The following MGST1 variants were observed in gnomAD, a reference collection of about 807,000 sequenced individuals.
MGST1 encodes the protein glutathione S-transferase 12.
MGST1 carries 5 observed loss-of-function variants against 8.9 expected under a neutral mutation model. The ratio of observed to expected loss-of-function variants is 0.56; its 90% CI spans 0.29 to 1.19. The LOEUF (loss-of-function observed/expected upper bound fraction) is 1.19, where lower values mean the gene tolerates loss of function less well. Ranked by LOEUF, MGST1 falls within the 50% of genes most tolerant of loss-of-function variation. The pLI is 0.08. For synonymous variants in MGST1, 54 were observed against 67.8 expected (o/e 0.80, Z 1.00); for missense variants, 182 against 187.4 (o/e 0.97, Z 0.17).
intron 4 of MGST1, chr12:16,549,872 A>T (rs1269700819): frequency 1.3e-5 from 2 of 152,068 alleles, no homozygotes; most frequent in African/African-American, 4.8e-5. Flanking sequence ...GTATGCTATC[A>T]CGTAAGGTAG....
At chr12:16,441,131 CTT>C (rs1007934981), downstream of MGST1, among the ~76,000 whole-genome samples, 1 of 151,770 alleles carries the variant, frequency 6.6e-6, no homozygotes, top group African/African-American at 2.4e-5. Flanking sequence ...ACACATACAT[CTT>C]TTCTCAGGTA....
intron 2 of MGST1, among the ~76,000 whole-genome samples, chr12:16,357,354 G>A (rs9332915): frequency 0.02 from 3,096 of 152,068 alleles, 109 homozygotes; most frequent in African/African-American, 0.071. Context: ...CAACCTCTCG[G>A]GCTCAGGTGA....
At chr12:16,365,384 T>G (rs1940167025), downstream of MGST1, among the ~76,000 whole-genome samples, 1 of 152,230 alleles carries the variant, frequency 6.6e-6, no homozygotes, top group East Asian at 1.9e-4. Context: ...TTTTCATATC[T>G]TTTGATGCAT....
In MGST1 at chr12:16,579,531, G is replaced by A. The variant is rs576632444; in HGVS notation, n.483-9997G>A. ...ATAGTTCCCTTGCTTCTTATTTGTC[G>A]GCATTATGGCCTAATAATTTGAAAA... On this transcript the variant is annotated intron_variant and non_coding_transcript_variant, in intron 4 of 4. Transcript: ENST00000538857. 6.2e-4 allele frequency among the ~76,000 whole-genome samples: 95 copies of A among 152,142 alleles called. 1 individual carries two copies. Among genetic ancestry groups the A allele is most frequent in the African/African-American group, 2.0e-3 (81 of 41,516 alleles).
intron 4 of MGST1, among the ~76,000 whole-genome samples, chr12:16,583,268 A>C (rs1443839851): frequency 6.6e-6 from 1 of 152,136 alleles, no homozygotes; most frequent in African/African-American, 2.4e-5. Context: ...AAGGAGTGCA[A>C]AGGAGGTTGA....
At chr12:16,476,029 T>C (rs1267463758) in intron 4 of MGST1, among the ~76,000 whole-genome samples, 5 of 152,122 alleles carry the variant, frequency 3.3e-5, no homozygotes, top group Non-Finnish European at 5.9e-5. Flanking sequence ...TCCATTTTCC[T>C]ACCTACCACC....
chr12:16,440,492 A>G (rs1353443395), downstream of MGST1, among the ~76,000 whole-genome samples: 1 of 151,794 alleles, frequency 6.6e-6, no homozygotes, highest in Non-Finnish European at 1.5e-5. Flanking sequence ...GGACTCTATA[A>G]ATGGAGTCAG....
chr12:16,481,785 T>C (rs1591741507), intron 4 of MGST1, among the ~76,000 whole-genome samples: 1 of 151,928 alleles, frequency 6.6e-6, no homozygotes, highest in East Asian at 1.9e-4. Context: ...AATTTGATCA[T>C]AGTTTCAGAT....
rs201441285 is a variant in MGST1, at chr12:16,473,786, C to T, written n.482+90182C>T. On this transcript the variant is annotated intron_variant and non_coding_transcript_variant, in intron 4 of 4. Coordinates refer to the MGST1 transcript ENST00000538857. ...ATCCCAGCTACTTGGGAGGCTGAGG[C>T]GGGAGGATGACTTGGGCCTGGGAGG... is the stretch of plus-strand genomic sequence containing the variant. Among the ~76,000 whole-genome samples, 31 of 152,132 alleles carry T rather than the reference C, an allele frequency of 2.0e-4. No individual in the cohort carries two copies. In the East Asian group the frequency reaches 3.7e-3, roughly 18 times the overall value.
chr12:16,542,769 G>A (rs1048625562), intron 4 of MGST1, among the ~76,000 whole-genome samples: 1 of 152,162 alleles, frequency 6.6e-6, no homozygotes, highest in Admixed American at 6.6e-5. Context: ...TCCAGTTGGA[G>A]TAAATCTTCT....
At chr12:16,382,260 T>G (rs190824989), upstream of MGST1, among the ~76,000 whole-genome samples, 23 of 152,278 alleles carry the variant, frequency 1.5e-4, no homozygotes, top group East Asian at 3.5e-3. Context: ...TTTTCCCATC[T>G]TTGTGGTTTT....
chr12:16,376,409 T>C (rs1940381348), exon 4 of MGST1: 1 of 297,234 alleles, frequency 3.4e-6, no homozygotes. Context: ...TCTCCACGAA[T>C]CTCTAATTTT....
chr12:16,439,138 ACTAT>A (rs1431503032), downstream of MGST1, among the ~76,000 whole-genome samples: 1 of 151,512 alleles, frequency 6.6e-6, no homozygotes, highest in East Asian at 1.9e-4. Flanking sequence ...CAGATAGAAA[ACTAT>A]CTATATTCTG....
intron 4 of MGST1, among the ~76,000 whole-genome samples, chr12:16,528,090 T>G (rs1166618930): frequency 1.3e-5 from 2 of 152,040 alleles, no homozygotes; most frequent in African/African-American, 4.8e-5. Context: ...TACTTTTGAA[T>G]GAGCAGGTGC....
chr12:16,385,720 G>T, intron 1 of MGST1, among the ~76,000 whole-genome samples: 3 of 149,090 alleles, frequency 2.0e-5, no homozygotes, highest in African/African-American at 5.0e-5. Flanking sequence ...CTCAATCTGG[G>T]TGGCTAACTT....
At chr12:16,591,463 C>T (rs570976269), downstream of MGST1, among the ~76,000 whole-genome samples, 1 of 152,102 alleles carries the variant, frequency 6.6e-6, no homozygotes, top group Non-Finnish European at 1.5e-5. The surrounding 1 kb of genome is among the most constrained non-coding windows in gnomAD (Gnocchi z 4.1). Context: ...ATGCCCTATA[C>T]TTATTTTGTT....
chr12:16,351,789 G>A (rs1409915124), intron 1 of MGST1, among the ~76,000 whole-genome samples: 3 of 152,162 alleles, frequency 2.0e-5, no homozygotes, highest in East Asian at 1.9e-4. Context: ...CAGCCTGGGC[G>A]ACAGAGTGAG....
chr12:16,360,322 A>AAT, intron 3 of MGST1: 1 of 984,748 alleles, frequency 1.0e-6, no homozygotes, highest in African/African-American at 1.7e-5. Flanking sequence ...TGTTACGATT[A>AAT]GCATATTTGA....
At chr12:16,444,233 T>C (rs1042369328) in intron 4 of MGST1, among the ~76,000 whole-genome samples, 3 of 148,038 alleles carry the variant, frequency 2.0e-5, no homozygotes, top group Non-Finnish European at 4.5e-5. Flanking sequence ...GCACCTTCCA[T>C]GGCTGGAGGC....
Sources: gnomAD v4.1 joint callset for allele counts (sites outside exome capture counted in the v4.1 genomes callset) on GRCh38, gnomAD v4.1.1 for gene constraint, Gnocchi (gnomAD v3.1) non-coding constraint, MANE v1.5 for transcripts, NCBI Gene and HGNC (gene_info 2026-07-23, HGNC 2026-07-21) for gene names.